TSC1: variants seen among roughly 807,000 people sequenced by gnomAD.
The protein encoded by TSC1 is hamartin.
A neutral mutation model predicts 124.3 loss-of-function variants in TSC1; 20 were observed. The observed-to-expected ratio is 0.16, with a 90% CI of 0.11 to 0.23. The LOEUF (loss-of-function observed/expected upper bound fraction) is 0.23. TSC1 is among the 10% of genes least tolerant of loss of function. The pLI is 1.00. For synonymous variants in TSC1, 493 were observed against 539.1 expected (o/e 0.91, Z 1.19); for missense variants, 1,124 against 1,448.5 (o/e 0.78, Z 3.64).
At position 132,923,334 on chromosome 9, in the gene TSC1, G is replaced by C; in HGVS notation, c.508+14C>G. 1 of 1,614,010 alleles carries C rather than the reference G, an allele frequency of 6.2e-7. No homozygotes were observed. The highest frequency in any genetic ancestry group is 8.5e-7 in the Non-Finnish European group (1 of 1,179,922). On this transcript the variant is annotated intron_variant, in intron 6 of 22. Coordinates refer to ENST00000298552, the MANE Select transcript of TSC1 (RefSeq NM_000368.5). The surrounding 1 kb of genome is among the most constrained non-coding windows in gnomAD (Gnocchi z 4.2). The stretch of plus-strand genomic sequence containing the variant: ...ACCTCACAGGGCCCAACAGGTATAT[G>C]AGGAGATCTGTACCTGGTTTCTTCA...
chr9:132,897,653 A>G (rs1564472493), intron 20 of TSC1, 43 bp from the exon 21 acceptor site: 24 of 1,567,964 alleles, frequency 1.5e-5, no homozygotes, highest in Non-Finnish European at 2.0e-5. Flanking sequence ...GTACTTATAA[A>G]AAATAAACAT....
intron 2 of TSC1, chr9:132,934,464 A>G (rs1245496370): frequency 6.6e-6 from 1 of 152,266 alleles, no homozygotes; most frequent in African/African-American, 2.4e-5. Flanking sequence ...ATGCTCACTC[A>G]CCAGCTCAAG....
At chr9:132,912,652 A>G in intron 8 of TSC1, 195 bp from the exon 9 acceptor site, 1 of 624,816 alleles carries the variant, frequency 1.6e-6, no homozygotes, top group Non-Finnish European at 2.8e-6. Context: ...TCCCTGTTTA[A>G]AATGGTTATA....
At chr9:132,928,544 G>A (rs1289735040) in intron 3 of TSC1, among the ~76,000 whole-genome samples, 1 of 152,198 alleles carries the variant, frequency 6.6e-6, no homozygotes, top group African/African-American at 2.4e-5. Flanking sequence ...GAAAGAATTT[G>A]AAACTGGATT....
chr9:132,944,210 C>G (rs1179661592), intron 1 of TSC1, among the ~76,000 whole-genome samples: 1 of 152,124 alleles, frequency 6.6e-6, no homozygotes, highest in African/African-American at 2.4e-5. Flanking sequence ...GTCACCCCAC[C>G]AAGTGAGGGA....
rs1467485025 is a variant in TSC1 at position 132,896,148 on chromosome 9, T to C, written c.*87A>G. ...CACACATGAACTTGCACTCAGACCC[T>C]GGAAACAGGAAAGCTTTGAAACGTG... On this transcript the variant is annotated 3_prime_UTR_variant, in exon 23 of 23. Transcript: ENST00000298552. This position sits in a 1 kb window ranked among gnomAD's most constrained non-coding sequence, Gnocchi z 4.5. 2 of 1,593,480 alleles carry C rather than the reference T, an allele frequency of 1.3e-6. No individual in the cohort carries two copies. The highest frequency in any genetic ancestry group is 1.7e-6 in the Non-Finnish European group (2 of 1,166,040).
rs139801034 is a variant in TSC1 at position 132,891,981 on chromosome 9, C to T, written c.*4254G>A. On this transcript the variant is annotated 3_prime_UTR_variant, in exon 23 of 23. Transcript: ENST00000298552. ...TTATCTCAGAGGATGGATAATGTGG[C>T]GCTGCGAAGTGGGGAGGAAGCTCCT... is the stretch of plus-strand genomic sequence containing the variant. 2.5e-4 allele frequency: 59 copies of T among 233,080 alleles called. No homozygotes were observed. The East Asian group carries it at 2.8e-3, about 11-fold the overall frequency. The allele number at this position is 233,080 out of a possible 1,614,324, so 14.4% of individuals were successfully genotyped here.
intron 1 of TSC1, among the ~76,000 whole-genome samples, chr9:132,938,393 T>C (rs1847571601): frequency 6.6e-6 from 1 of 152,228 alleles, no homozygotes; most frequent in African/African-American, 2.4e-5. Context: ...TTTTTTCCCT[T>C]TCATATTTGA....
rs1490360515 is a variant in TSC1, at chr9:132,896,283, T to C, written c.3447A>G (p.Gly1149=). ...HPSPPTPDSV[G]QLHIMDYNET... is the part of the protein sequence containing the mutation. The stretch of plus-strand genomic sequence containing the variant: ...CATTGTAGTCCATGATATGTAGCTG[T>C]CCAACACTGTCCGGGGTCGGGGGAG... Residue 1149 remains glycine (G), a synonymous_variant, in exon 23 of 23, where the codon GGA becomes GGG. Transcript: ENST00000298552. The surrounding 1 kb of genome is among the most constrained non-coding windows in gnomAD (Gnocchi z 4.5). 6.2e-7 allele frequency: 1 copy of C among 1,614,200 alleles called. No homozygotes were observed. Among genetic ancestry groups the C allele is most frequent in the South Asian group, 1.1e-5 (1 of 91,088 alleles).
chr9:132,902,783 T>C lies in TSC1; in HGVS notation c.2213A>G (p.Asp738Gly), dbSNP rs1350928783. 6.2e-7 allele frequency: 1 copy of C among 1,613,454 alleles called. No homozygotes were observed. Among genetic ancestry groups the C allele is most frequent in the Non-Finnish European group, 8.5e-7 (1 of 1,180,038 alleles). Residue 738 changes from aspartate (D) to glycine (G), a missense_variant, in exon 18 of 23, where the codon GAT becomes GGT. This residue lies in a region of TSC1 where 321 missense variants were observed against 397.4 expected (regional missense o/e 0.81). Transcript: ENST00000298552. This position sits in a 1 kb window ranked among gnomAD's most constrained non-coding sequence, Gnocchi z 5.2. ...ALEEHNAAMK[D>G]QLKLQEKDIQ... is the part of the protein sequence containing the mutation. Reference sequence around the variant, plus strand: ...GTCCTTCTCTTGTAACTTCAACTGATCTTTCTAGCAGAGACCAGAAATGTC... The same window carrying C: ...GTCCTTCTCTTGTAACTTCAACTGACCTTTCTAGCAGAGACCAGAAATGTC...
In TSC1 at chr9:132,894,606, G is replaced by A. The variant is rs1410959342; in HGVS notation, c.*1629C>T. The A allele has an allele frequency of 4.5e-6, 1 of 221,590 alleles. No homozygotes were observed. Among genetic ancestry groups the A allele is most frequent in the African/African-American group, 2.3e-5 (1 of 44,064 alleles). The allele number at this position is 221,590 out of a possible 1,614,324, so 13.7% of individuals were successfully genotyped here. On this transcript the variant is annotated 3_prime_UTR_variant, in exon 23 of 23. Coordinates refer to ENST00000298552, the MANE Select transcript of TSC1 (RefSeq NM_000368.5). The stretch of plus-strand genomic sequence containing the variant: ...CACACCCAGAAAGCCTGCCTGAACA[G>A]GTTTTCTGCTGGTATAGCTAGGGTG...
chr9:132,900,660 G>A (rs1486071463), intron 20 of TSC1, 55 bp downstream of exon 20: 10 of 1,611,344 alleles, frequency 6.2e-6, no homozygotes, highest in Non-Finnish European at 8.5e-6. Context: ...GAGACATACT[G>A]TCTGGGTCTG....
chr9:132,902,893 G>C lies in TSC1; in HGVS notation c.2209-106C>G. 5.6e-6 allele frequency: 8 copies of C among 1,433,094 alleles called. No homozygotes were observed. Among genetic ancestry groups the C allele is most frequent in the Admixed American group, 3.4e-5 (2 of 58,478 alleles). 88.8% of individuals were successfully genotyped at this position (1,433,094 alleles called of 1,614,324 possible). A position where few individuals can be genotyped will look rare whatever the true frequency, so the allele number is the denominator to read the frequency against. Reference sequence around the variant, plus strand: ...AATAGTCATAAGCTACCCTGAAAATGTAACTAACTACAGACCAAAACTCTT... The same window carrying C: ...AATAGTCATAAGCTACCCTGAAAATCTAACTAACTACAGACCAAAACTCTT... On this transcript the variant is annotated intron_variant, in intron 17 of 22. Coordinates refer to ENST00000298552, the MANE Select transcript of TSC1 (RefSeq NM_000368.5). This position sits in a 1 kb window ranked among gnomAD's most constrained non-coding sequence, Gnocchi z 5.2.
At position 132,903,539 on chromosome 9, in the gene TSC1, G is replaced by GT. The variant is rs1201501086; in HGVS notation, c.2208+111dup. The stretch of plus-strand genomic sequence containing the variant: ...AATCTCAAGCGACCTGCCCAAAGGA[G>GT]TGGGAAGGACTGGGAACTCTGACCT... On this transcript the variant is annotated intron_variant, in intron 17 of 22. Coordinates refer to ENST00000298552, the MANE Select transcript of TSC1 (RefSeq NM_000368.5). The surrounding 1 kb of genome is among the most constrained non-coding windows in gnomAD (Gnocchi z 5.9). The GT allele has an allele frequency of 6.7e-7, 1 of 1,487,854 alleles. No homozygotes were observed. Among genetic ancestry groups the GT allele is most frequent in the Non-Finnish European group, 9.3e-7 (1 of 1,071,548 alleles). 92.2% of individuals were successfully genotyped at this position (1,487,854 alleles called of 1,614,324 possible). A position where few individuals can be genotyped will look rare whatever the true frequency, so the allele number is the denominator to read the frequency against.
intron 1 of TSC1, chr9:132,940,976 C>T (rs936162129): frequency 6.6e-6 from 1 of 152,138 alleles, no homozygotes; most frequent in Admixed American, 6.5e-5. Context: ...TCCTACAGCT[C>T]CCCTCTGTGT....
rs980870206 is a variant in TSC1 at position 132,928,772 on chromosome 9, T to C, written c.101A>G (p.Asn34Ser). 5.0e-6 allele frequency: 8 copies of C among 1,614,138 alleles called. No homozygotes were observed. Among genetic ancestry groups the C allele is most frequent in the Non-Finnish European group, 6.8e-6 (8 of 1,180,004 alleles). The change falls in exon 3 of 23, where the codon AAT becomes AGT. Residue 34 changes from asparagine to serine, a missense_variant. Asn to Ser is a conservative substitution (Grantham distance 46, BLOSUM62 1). Transcript: ENST00000298552. The stretch of plus-strand genomic sequence containing the variant: ...AAGGATATTATTTTGCTAACCAGAA[T>C]TGAGGTTCTCTTTAAAGACAGCTGT... ...DVTAVFKENL[N>S]SDRGPMLVNT... is the part of the protein sequence containing the mutation.
intron 3 of TSC1, 58 bp from the exon 4 acceptor site, chr9:132,927,362 C>T: frequency 6.7e-7 from 1 of 1,501,270 alleles, no homozygotes; most frequent in Non-Finnish European, 9.2e-7. Flanking sequence ...CTAAATTTAC[C>T]TTACACAGCT....
In TSC1 at chr9:132,896,793, T is replaced by C; in HGVS notation, c.2976-39A>G. The stretch of plus-strand genomic sequence containing the variant: ...GGGGAGGAAAAAAGGAGCTGGTGAT[T>C]GGACTGTCCACATTCGGAGGATGTG... On this transcript the variant is annotated intron_variant, in intron 22 of 22. Transcript: ENST00000298552. This position sits in a 1 kb window ranked among gnomAD's most constrained non-coding sequence, Gnocchi z 4.5. 1 of 1,613,316 alleles carries C rather than the reference T, an allele frequency of 6.2e-7. No homozygotes were observed. The highest frequency in any genetic ancestry group is 8.5e-7 in the Non-Finnish European group (1 of 1,180,040).
rs1845006840 is a variant in TSC1 at position 132,895,888 on chromosome 9, A to G, written c.*347T>C. On this transcript the variant is annotated 3_prime_UTR_variant, in exon 23 of 23. Transcript: ENST00000298552. ...AAGCAGAAAGTGGTGTGTTAGACTCAAAGATTAAATTTGGCCTCATATTGC... is the reference window on the plus strand; with the variant it reads ...AAGCAGAAAGTGGTGTGTTAGACTCGAAGATTAAATTTGGCCTCATATTGC... The G allele has an allele frequency of 2.6e-6, 1 of 385,626 alleles. No homozygotes were observed. Among genetic ancestry groups the G allele is most frequent in the Admixed American group, 4.1e-5 (1 of 24,322 alleles). The allele number at this position is 385,626 out of a possible 1,614,324, so 23.9% of individuals were successfully genotyped here.
Sources: gnomAD v4.1 joint callset for allele counts (sites outside exome capture counted in the v4.1 genomes callset) on GRCh38, gnomAD v4.1.1 for gene constraint, gnomAD v4.1.1 regional missense constraint, Gnocchi (gnomAD v3.1) non-coding constraint, MANE v1.5 for transcripts, NCBI Gene and HGNC (gene_info 2026-07-23, HGNC 2026-07-21) for gene names.